The following WBP2 variants were observed in gnomAD, a reference collection of about 807,000 sequenced individuals.
WBP2 encodes WW domain binding protein 2.
In WBP2, 23 loss-of-function variants were observed where a neutral mutation model predicts 33.0. The ratio of observed to expected loss-of-function variants is 0.70; its 90% CI spans 0.50 to 0.99. WBP2 has a LOEUF of 0.99. Ranked by LOEUF, WBP2 falls within the 50% of genes least tolerant of loss-of-function variation. The pLI is 0.00. For missense variants in WBP2, 353 were observed against 358.0 expected (o/e 0.99, Z 0.11); for synonymous variants, 153 against 133.5 (o/e 1.15, Z -1.01).
Position 75,846,932 on chromosome 17 carries a change from A to G in WBP2, c.708T>C (p.Asn236=), listed in dbSNP as rs974544028. Residue 236 remains asparagine, a synonymous_variant, in exon 7 of 8, where the codon AAT becomes AAC. Coordinates refer to ENST00000254806, the MANE Select transcript of WBP2 (RefSeq NM_012478.4). The surrounding 1 kb of genome is among the most constrained non-coding windows in gnomAD (Gnocchi z 4.8). Reference sequence around the variant, plus strand: ...CCGTGGGCATGTAGACGTTGTGAGGATTGCCTGGGTTGTAATAGGCGCTGG... The same window carrying G: ...CCGTGGGCATGTAGACGTTGTGAGGGTTGCCTGGGTTGTAATAGGCGCTGG... The part of the protein sequence containing the change: ...AAASAYYNPG[N]PHNVYMPTSQ... 4 of 1,614,036 alleles carry G rather than the reference A, an allele frequency of 2.5e-6. No homozygotes were observed. The highest frequency in any genetic ancestry group is 1.3e-5 in the African/African-American group (1 of 75,014).
intron 6 of WBP2, 189 bp downstream of exon 6, chr17:75,847,298 G>A: frequency 2.1e-6 from 2 of 953,526 alleles, no homozygotes; most frequent in Non-Finnish European, 3.1e-6. Flanking sequence ...GGATAGCTAA[G>A]GGATGGGGGT....
chr17:75,847,275 G>A lies in WBP2; in HGVS notation c.655+212C>T, dbSNP rs57609591. On this transcript the variant is annotated intron_variant, in intron 6 of 7. Coordinates refer to ENST00000254806, the MANE Select transcript of WBP2 (RefSeq NM_012478.4). ...AGAGGCACACAGGGTGACCTTCCCCGCCCAGGGCACATGGATAGCTAAGGG... is the reference window on the plus strand; with the variant it reads ...AGAGGCACACAGGGTGACCTTCCCCACCCAGGGCACATGGATAGCTAAGGG... 2.7e-3 allele frequency: 2,285 copies of A among 832,584 alleles called. 41 individuals carry two copies. The African/African-American group carries it at 0.034, about 12-fold the overall frequency. The allele number at this position is 832,584 out of a possible 1,614,324, so 51.6% of individuals were successfully genotyped here.
chr17:75,854,393 A>G (rs1404884819), intron 1 of WBP2, among the ~76,000 whole-genome samples: 1 of 152,194 alleles, frequency 6.6e-6, no homozygotes, highest in Non-Finnish European at 1.5e-5. Context: ...ACAAAAGGAG[A>G]CAGAGGCCAT....
Position 75,848,672 on chromosome 17 carries a change from G to A in WBP2, c.305-10C>T. The A allele has an allele frequency of 6.2e-7, 1 of 1,608,090 alleles. No homozygotes were observed. Among genetic ancestry groups the A allele is most frequent in the South Asian group, 1.1e-5 (1 of 90,580 alleles). On this transcript the variant is annotated splice_polypyrimidine_tract_variant and intron_variant, in intron 3 of 7. Transcript: ENST00000254806. The stretch of plus-strand genomic sequence containing the variant: ...GAGCCTTCCCAGCCACCTGAAAGGG[G>A]AAGGACAGTGAATAAACAGCACAGG...
In WBP2 at chr17:75,846,975, T is replaced by C; in HGVS notation, c.665A>G (p.Lys222Arg). ...GGCGCTGGCGGCTGCTTCTGCGGCC[T>C]TGGCTTCGGCTGTGAGAGCAAACAC... The part of the protein sequence containing the change: ...DVPSTPAAEA[K>R]AAEAAASAYY... Residue 222 changes from lysine to arginine, a missense_variant, in exon 7 of 8, where the codon AAG (lysine) becomes AGG (arginine). Transcript: ENST00000254806. The surrounding 1 kb of genome is among the most constrained non-coding windows in gnomAD (Gnocchi z 4.8). The C allele has an allele frequency of 6.2e-7, 1 of 1,614,106 alleles. No individual in the cohort carries two copies. Among genetic ancestry groups the C allele is most frequent in the Non-Finnish European group, 8.5e-7 (1 of 1,179,988 alleles).
In WBP2 at chr17:75,851,169, C is replaced by T. The variant is rs143971415; in HGVS notation, c.168+399G>A. ...CGGGCTCTCTGCCCAGTCCGGAGGC[C>T]GTGCCATGCAACTGTACCCTGTTTA... On this transcript the variant is annotated intron_variant, in intron 2 of 7. Coordinates refer to ENST00000254806, the MANE Select transcript of WBP2 (RefSeq NM_012478.4). The T allele has an allele frequency of 2.9e-3, 515 of 176,652 alleles. 11 individuals are homozygous for T. Among genetic ancestry groups the T allele is most frequent in the Admixed American group, 0.024 (433 of 18,308 alleles). The allele number at this position is 176,652 out of a possible 1,614,324, so 10.9% of individuals were successfully genotyped here. A position where few individuals can be genotyped will look rare whatever the true frequency, so the allele number is the denominator to read the frequency against.
At chr17:75,855,536 G>T (rs1295676362), upstream of WBP2, 11 of 570,484 alleles carry the variant, frequency 1.9e-5, no homozygotes, top group Non-Finnish European at 3.2e-6. Context: ...CGCAGCCTCG[G>T]CCTGTCCCTA....
intron 6 of WBP2, 121 bp from the exon 7 acceptor site, chr17:75,847,105 G>C (rs955253744): frequency 9.1e-7 from 1 of 1,098,022 alleles, no homozygotes; most frequent in African/African-American, 1.6e-5. Context: ...CCACCAATGA[G>C]AGCAGCAGGT....
At chr17:75,854,800 C>T (rs1424160669) in intron 1 of WBP2, among the ~76,000 whole-genome samples, 2 of 152,186 alleles carry the variant, frequency 1.3e-5, no homozygotes, top group African/African-American at 2.4e-5. Context: ...CCTCCACTTT[C>T]CCTACCTGTG....
rs371950818 is a variant in WBP2 at position 75,848,610 on chromosome 17, G to T, written c.357C>A (p.Ala119=). The stretch of plus-strand genomic sequence containing the variant: ...GGAGCATCCGCTGTCCGAACTCAAT[G>T]GCGCCCCCTGCCGTGAAAGTCAACT... ...SYKLTFTAGG[A]IEFGQRMLQV... is the part of the protein sequence containing the mutation. Residue 119 remains alanine, a synonymous_variant, in exon 4 of 8, where the codon GCC becomes GCA. Coordinates refer to ENST00000254806, the MANE Select transcript of WBP2 (RefSeq NM_012478.4). The T allele has an allele frequency of 1.2e-6, 2 of 1,613,906 alleles. No individual in the cohort carries two copies. Among genetic ancestry groups the T allele is most frequent in the Non-Finnish European group, 1.7e-6 (2 of 1,179,964 alleles).
chr17:75,846,874 G>A lies in WBP2; in HGVS notation c.732+34C>T, dbSNP rs1417315811. 1 of 1,613,720 alleles carries A rather than the reference G, an allele frequency of 6.2e-7. No individual in the cohort carries two copies. Among genetic ancestry groups the A allele is most frequent in the South Asian group, 1.1e-5 (1 of 91,042 alleles). Reference sequence around the variant, plus strand: ...CCTGCGGCTCCCAGCATCTGCGGCTGTGGGGCTGCACCGGCACTGCCAAGC... The same window carrying A: ...CCTGCGGCTCCCAGCATCTGCGGCTATGGGGCTGCACCGGCACTGCCAAGC... On this transcript the variant is annotated intron_variant, in intron 7 of 7. Coordinates refer to ENST00000254806, the MANE Select transcript of WBP2 (RefSeq NM_012478.4). The surrounding 1 kb of genome is among the most constrained non-coding windows in gnomAD (Gnocchi z 4.8).
chr17:75,847,261 G>C (rs2064998963), intron 6 of WBP2: 2 of 746,640 alleles, frequency 2.7e-6, no homozygotes, highest in Non-Finnish European at 4.3e-6. Flanking sequence ...GAGGCACACA[G>C]GGTGACCTTC....
At chr17:75,850,748 C>G (rs936396) in intron 2 of WBP2, among the ~76,000 whole-genome samples, 44,518 of 151,964 alleles carry the variant, frequency 0.29, 8,179 homozygotes, top group African/African-American at 0.52. Context: ...AGGCTAGAAT[C>G]CAGTGGCATG....
chr17:75,851,576 G>A lies in WBP2; in HGVS notation c.160C>T (p.Pro54Ser). The A allele has an allele frequency of 6.2e-7, 1 of 1,612,946 alleles. No individual in the cohort carries two copies. Among genetic ancestry groups the A allele is most frequent in the Non-Finnish European group, 8.5e-7 (1 of 1,179,088 alleles). Residue 54 changes from proline (P) to serine (S), a missense_variant, in exon 2 of 8, where the codon CCT becomes TCT. Coordinates refer to ENST00000254806, the MANE Select transcript of WBP2 (RefSeq NM_012478.4). ...CCTGCTGTGCAACTCACCCGGTAAGGGGTAAGGTAGACAGTGCCTTTCTTG... is the reference window on the plus strand; with the variant it reads ...CCTGCTGTGCAACTCACCCGGTAAGAGGTAAGGTAGACAGTGCCTTTCTTG... The part of the protein sequence containing the change: ...GTKKGTVYLT[P>S]YRVIFLSKGK...
intron 2 of WBP2, among the ~76,000 whole-genome samples, chr17:75,850,293 T>C (rs2065020561): frequency 6.6e-6 from 1 of 151,872 alleles, no homozygotes; most frequent in South Asian, 2.1e-4. Flanking sequence ...TTGCCTGGGC[T>C]GGAGTGCAGT....
chr17:75,851,540 C>A, intron 2 of WBP2, 28 bp downstream of exon 2: 3 of 1,568,990 alleles, frequency 1.9e-6, no homozygotes, highest in South Asian at 2.2e-5. Context: ...ACAAGCCTCT[C>A]AACCAACTGC....
intron 4 of WBP2, 90 bp from the exon 5 acceptor site, chr17:75,848,020 G>A (rs1426322898): frequency 8.6e-6 from 13 of 1,505,142 alleles, no homozygotes; most frequent in East Asian, 7.4e-5. Context: ...GAGCTACTGG[G>A]TCTCAGGAAT....
At chr17:75,849,791 C>T in intron 2 of WBP2, 52 bp from the exon 3 acceptor site, 1 of 1,599,950 alleles carries the variant, frequency 6.3e-7, no homozygotes, top group Non-Finnish European at 8.5e-7. Context: ...GCCCACGCTG[C>T]CATGCTTCCC....
chr17:75,853,718 C>T (rs1384713617), intron 1 of WBP2, among the ~76,000 whole-genome samples: 2 of 152,004 alleles, frequency 1.3e-5, no homozygotes, highest in East Asian at 1.9e-4. Context: ...CTTTCTCTGA[C>T]TGGGGAAGGG....
Sources: allele counts gnomAD v4.1 joint callset (sites outside exome capture counted in the v4.1 genomes callset), GRCh38; gene constraint gnomAD v4.1.1; non-coding constraint Gnocchi (gnomAD v3.1); transcripts MANE v1.5; gene names NCBI Gene and HGNC (gene_info 2026-07-23, HGNC 2026-07-21).